The following SPEF2 variants were observed in gnomAD, a reference collection of about 807,000 sequenced individuals.
SPEF2 encodes sperm flagella and cilia-associated protein 2.
Under a neutral mutation model 224.6 loss-of-function variants are expected in SPEF2, and 187 were observed. The ratio of observed to expected loss-of-function variants is 0.83; its 90% CI spans 0.74 to 0.94. The LOEUF is 0.94. Among genes scored for constraint, SPEF2 ranks in the 40% least tolerant of loss-of-function variants. The pLI, the probability that SPEF2 is intolerant of heterozygous loss-of-function variation, is 0.00. For synonymous variants in SPEF2, 715 were observed against 707.3 expected (o/e 1.01, Z -0.17); for missense variants, 2,170 against 2,135.6 (o/e 1.02, Z -0.32).
chr5:35,691,918 G>A lies in SPEF2; in HGVS notation c.1745-652G>A, dbSNP rs536674003. On this transcript the variant is annotated intron_variant, in intron 11 of 36. Coordinates refer to ENST00000356031, the MANE Select transcript of SPEF2 (RefSeq NM_024867.4). Reference sequence around the variant, plus strand: ...GGGTTCAAGCGATTCTTCTGCCTCAGCCTCCTGAGTAGCTGGGACTACAGG... The same window carrying A: ...GGGTTCAAGCGATTCTTCTGCCTCAACCTCCTGAGTAGCTGGGACTACAGG... Among the ~76,000 whole-genome samples the A allele has an allele frequency of 1.6e-3, 237 of 152,066 alleles. 1 individual carries two copies. Among genetic ancestry groups the A allele is most frequent in the African/African-American group, 5.4e-3 (226 of 41,530 alleles).
chr5:35,797,060 T>G (rs1262752792), intron 33 of SPEF2, among the ~76,000 whole-genome samples: 7 of 152,224 alleles, frequency 4.6e-5, no homozygotes, highest in Admixed American at 3.9e-4. Flanking sequence ...TGGAAGCAAC[T>G]GGCAGTTTGA....
intron 30 of SPEF2, chr5:35,791,642 AT>A (rs1755973137): frequency 6.6e-6 from 1 of 151,964 alleles, no homozygotes; most frequent in Admixed American, 6.6e-5. Context: ...TTGTTTTCTT[AT>A]TTATTTCTTA....
At chr5:35,811,931 C>A (rs1211461310) in intron 36 of SPEF2, among the ~76,000 whole-genome samples, 1 of 151,814 alleles carries the variant, frequency 6.6e-6, no homozygotes, top group South Asian at 2.1e-4. Flanking sequence ...ACTACAGGTG[C>A]CTGCCACCAC....
At chr5:35,733,349 C>T (rs1293249008) in intron 21 of SPEF2, among the ~76,000 whole-genome samples, 1 of 152,148 alleles carries the variant, frequency 6.6e-6, no homozygotes, top group African/African-American at 2.4e-5. Context: ...CTCCTCACCT[C>T]GTGATCCACC....
intron 15 of SPEF2, 91 bp downstream of exon 15, chr5:35,697,884 A>G: frequency 2.3e-6 from 2 of 882,348 alleles, no homozygotes; most frequent in Non-Finnish European, 3.5e-6. Context: ...TTTTGTTGTA[A>G]TATCTCATAC....
At chr5:35,674,371 T>A (rs1409233129) in intron 10 of SPEF2, among the ~76,000 whole-genome samples, 1 of 144,702 alleles carries the variant, frequency 6.9e-6, no homozygotes, top group Admixed American at 6.9e-5. Context: ...GTTTCCAAAT[T>A]CTTTTTATTA....
chr5:35,776,457 AAGATTTT>A, intron 29 of SPEF2, 62 bp downstream of exon 29: 1 of 1,517,760 alleles, frequency 6.6e-7, no homozygotes, highest in Non-Finnish European at 8.8e-7. Flanking sequence ...AAAATTGATG[AAGATTTT>A]TAAGGTATTT....
At position 35,773,558 on chromosome 5, in the gene SPEF2, T is replaced by A. The variant is rs141565325; in HGVS notation, c.3950-335T>A. ...TGCAGGTGTCTAATGGGGTCAGCAC[T>A]ATGTGGGGATTTGCTAATTTCTGTC... On this transcript the variant is annotated intron_variant, in intron 27 of 36. Transcript: ENST00000356031. 5.0e-4 allele frequency among the ~76,000 whole-genome samples: 76 copies of A among 152,302 alleles called. No individual in the cohort carries two copies. In the East Asian group the frequency reaches 0.012, roughly 24 times the overall value.
intron 1 of SPEF2, among the ~76,000 whole-genome samples, chr5:35,624,588 C>T (rs1202661981): frequency 6.6e-6 from 1 of 151,998 alleles, no homozygotes; most frequent in Non-Finnish European, 1.5e-5. Flanking sequence ...TCTCTCTCTC[C>T]CTATCACCTT....
chr5:35,691,720 G>A lies in SPEF2; in HGVS notation c.1744+464G>A, dbSNP rs1041615512. 3.3e-5 allele frequency among the ~76,000 whole-genome samples: 5 copies of A among 152,170 alleles called. No homozygotes were observed. In the South Asian group the frequency reaches 1.0e-3, roughly 32 times the overall value. On this transcript the variant is annotated intron_variant, in intron 11 of 36. Coordinates refer to ENST00000356031, the MANE Select transcript of SPEF2 (RefSeq NM_024867.4). Reference sequence around the variant, plus strand: ...GTGAATGTCTAAATGCTACTGAAATGTATCCTTTAAATGGTGGAAGTGCTT... The same window carrying A: ...GTGAATGTCTAAATGCTACTGAAATATATCCTTTAAATGGTGGAAGTGCTT...
chr5:35,782,056 T>C (rs78751689), intron 30 of SPEF2, among the ~76,000 whole-genome samples: 3,060 of 152,250 alleles, frequency 0.02, 76 homozygotes, highest in South Asian at 0.054. Flanking sequence ...CAAAGTATAC[T>C]CTGGCTTTTT....
intron 36 of SPEF2, among the ~76,000 whole-genome samples, chr5:35,811,618 G>T (rs1254564094): frequency 6.6e-6 from 1 of 151,452 alleles, no homozygotes; most frequent in African/African-American, 2.4e-5. Flanking sequence ...CCTCATGGTG[G>T]GGGGGGTGGG....
chr5:35,704,436 G>T, intron 16 of SPEF2, 118 bp from the exon 17 acceptor site: 4 of 578,844 alleles, frequency 6.9e-6, no homozygotes, highest in South Asian at 2.5e-5. Context: ...ATATTTTTAA[G>T]TAACACTGGA....
intron 10 of SPEF2, among the ~76,000 whole-genome samples, chr5:35,686,752 TTGTTCTAC>T (rs1365136634): frequency 6.6e-6 from 1 of 152,146 alleles, no homozygotes; most frequent in Non-Finnish European, 1.5e-5. Context: ...ATTGGCCATT[TTGTTCTAC>T]TGTCAAAATT....
At chr5:35,683,174 A>T (rs149411187) in intron 10 of SPEF2, among the ~76,000 whole-genome samples, 161 of 152,318 alleles carry the variant, frequency 1.1e-3, no homozygotes, top group African/African-American at 3.7e-3. Flanking sequence ...ACAACAGGAT[A>T]TAGAGAGGCA....
chr5:35,785,027 A>G (rs1166100915), intron 30 of SPEF2, among the ~76,000 whole-genome samples: 2 of 152,180 alleles, frequency 1.3e-5, no homozygotes, highest in Non-Finnish European at 2.9e-5. Context: ...AATATTATGT[A>G]TTTGCAGGTA....
chr5:35,739,341 A>G (rs1747182929), intron 21 of SPEF2, among the ~76,000 whole-genome samples: 11 of 152,178 alleles, frequency 7.2e-5, no homozygotes. Flanking sequence ...ACCTCAGTGG[A>G]TGACCTTGCA....
Position 35,700,696 on chromosome 5 carries a change from T to C in SPEF2, c.2342T>C (p.Val781Ala), listed in dbSNP as rs1738432015. Residue 781 changes from valine to alanine, a missense_variant, in exon 16 of 37, where the codon GTC becomes GCC. Physicochemically the swap from Val to Ala is moderately conservative, Grantham distance 64 (BLOSUM62 0). Coordinates refer to ENST00000356031, the MANE Select transcript of SPEF2 (RefSeq NM_024867.4). ...CTTCCCTCTCCTGCATTTGATTTTG[T>C]CATATTATTAGATGTTTCAGATACT... ...IPLPSPAFDFVILLDVSDTSS... is the reference protein window; with the variant it reads ...IPLPSPAFDFAILLDVSDTSS... 6.2e-7 allele frequency: 1 copy of C among 1,614,010 alleles called. No individual in the cohort carries two copies. Among genetic ancestry groups the C allele is most frequent in the African/African-American group, 1.3e-5 (1 of 75,064 alleles).
At chr5:35,633,153 G>C (rs898767366) in intron 2 of SPEF2, 1 of 152,072 alleles carries the variant, frequency 6.6e-6, no homozygotes, top group East Asian at 1.9e-4. Flanking sequence ...AGGTCCAGTT[G>C]GTTTATAGTG....
Sources: allele counts gnomAD v4.1 joint callset (sites outside exome capture counted in the v4.1 genomes callset), GRCh38; gene constraint gnomAD v4.1.1; transcripts MANE v1.5; gene names NCBI Gene and HGNC (gene_info 2026-07-23, HGNC 2026-07-21).